Variants in MLLT10 observed in about 807,000 individuals in gnomAD.
MLLT10 encodes protein AF-10.
In MLLT10, 30 loss-of-function variants were observed where a neutral mutation model predicts 129.1. That is an observed-to-expected ratio of 0.23 (90% CI 0.17 to 0.32). The LOEUF (loss-of-function observed/expected upper bound fraction) is 0.32. MLLT10 is among the 10% of genes least tolerant of loss of function. MLLT10 has a pLI of 1.00. For missense variants in MLLT10, 1,119 were observed against 1,268.3 expected, an observed-to-expected ratio of 0.88 and a Z score of 1.79; for synonymous variants, 490 against 446.4, an observed-to-expected ratio of 1.10 and a Z score of -1.23.
chr10:21,569,309 C>T (rs1474536864), intron 3 of MLLT10, among the ~76,000 whole-genome samples: 2 of 152,088 alleles, frequency 1.3e-5, no homozygotes, highest in Non-Finnish European at 2.9e-5. Flanking sequence ...GGCTGGAGTG[C>T]AGTGGCATGC....
At chr10:21,611,315 A>G (rs895582049) in intron 5 of MLLT10, among the ~76,000 whole-genome samples, 13 of 151,708 alleles carry the variant, frequency 8.6e-5, no homozygotes, top group Non-Finnish European at 1.8e-4. Flanking sequence ...AGAGAATCCT[A>G]GGTTTTCAAT....
intron 3 of MLLT10, among the ~76,000 whole-genome samples, chr10:21,549,121 C>A (rs994274944): frequency 7.7e-6 from 1 of 130,386 alleles, no homozygotes; most frequent in East Asian, 2.1e-4. Context: ...GGAGCTTATT[C>A]CTTTTTTTTT....
chr10:21,717,677 TTCCTCCTCC>T lies in MLLT10; in HGVS notation c.1878+3742_1878+3750del, dbSNP rs1218411767. ...CTTCCTCCTCCTCTTCCTCCTCCTC[TTCCTCCTCC>T]TCCTCCTCCTCCTCTTCCTCCTCCT... On this transcript the variant is annotated intron_variant, in intron 14 of 22. Transcript: ENST00000307729. 6.5e-3 allele frequency among the ~76,000 whole-genome samples: 126 copies of T among 19,528 alleles called. 2 individuals carry two copies. The highest frequency in any genetic ancestry group is 9.3e-3 in the African/African-American group (42 of 4,502). The allele number at this position is 19,528 out of a possible 152,430, so 12.8% of individuals were successfully genotyped here. A position where few individuals can be genotyped will look rare whatever the true frequency, so the allele number is the denominator to read the frequency against.
At chr10:21,546,951 G>A (rs1255088998) in intron 3 of MLLT10, among the ~76,000 whole-genome samples, 4 of 152,062 alleles carry the variant, frequency 2.6e-5, no homozygotes, top group East Asian at 3.9e-4. Flanking sequence ...TCGAACTCCC[G>A]ACCTCAGGTG....
intron 3 of MLLT10, among the ~76,000 whole-genome samples, chr10:21,550,672 C>T (rs868358901): frequency 2.2e-4 from 33 of 152,170 alleles, no homozygotes; most frequent in Middle Eastern, 3.4e-3. Context: ...GCTGGGACTA[C>T]GGATGGGTGC....
chr10:21,561,550 C>G (rs2038806534), intron 3 of MLLT10, among the ~76,000 whole-genome samples: 1 of 151,832 alleles, frequency 6.6e-6, no homozygotes, highest in South Asian at 2.1e-4. Context: ...TGAGCCACTG[C>G]ACCCGGCCCA....
intron 22 of MLLT10, among the ~76,000 whole-genome samples, chr10:21,741,378 A>C (rs1833587790): frequency 6.6e-6 from 1 of 152,216 alleles, no homozygotes; most frequent in Non-Finnish European, 1.5e-5. Context: ...GGAAAATCAC[A>C]GTAATTTAAT....
At chr10:21,534,185 G>T, upstream of MLLT10, 1 of 390,592 alleles carries the variant, frequency 2.6e-6, no homozygotes. Context: ...CGCACGCAGG[G>T]CTAGCCTCGC....
intron 13 of MLLT10, among the ~76,000 whole-genome samples, chr10:21,687,062 A>G (rs1021507255): frequency 1.3e-5 from 2 of 152,158 alleles, no homozygotes; most frequent in Non-Finnish European, 2.9e-5. Flanking sequence ...TTGAGTTCCA[A>G]GTCCCACTTA....
intron 7 of MLLT10, among the ~76,000 whole-genome samples, chr10:21,615,889 G>A (rs1404057201): frequency 6.6e-6 from 1 of 152,110 alleles, no homozygotes; most frequent in Non-Finnish European, 1.5e-5. Flanking sequence ...CTGAAGTCCC[G>A]AGTATCTACT....
At chr10:21,555,463 T>A (rs1268446124) in intron 3 of MLLT10, among the ~76,000 whole-genome samples, 1 of 152,006 alleles carries the variant, frequency 6.6e-6, no homozygotes, top group African/African-American at 2.4e-5. Flanking sequence ...CCTCAGGTGA[T>A]CCACCCTCCT....
intron 5 of MLLT10, among the ~76,000 whole-genome samples, chr10:21,611,660 A>G (rs999856497): frequency 1.6e-4 from 24 of 152,138 alleles, no homozygotes; most frequent in Non-Finnish European, 3.1e-4. Flanking sequence ...TGAGCTGTGA[A>G]AAGTTAATAT....
At chr10:21,581,303 C>G (rs1297264009) in intron 3 of MLLT10, among the ~76,000 whole-genome samples, 1 of 152,106 alleles carries the variant, frequency 6.6e-6, no homozygotes, top group East Asian at 1.9e-4. Context: ...GCCTCGGCCT[C>G]CCAAAGTGCT....
intron 21 of MLLT10, among the ~76,000 whole-genome samples, chr10:21,735,576 G>A (rs2058297622): frequency 6.6e-6 from 1 of 152,184 alleles, no homozygotes; most frequent in African/African-American, 2.4e-5. Context: ...ACAAAGAAGT[G>A]GAATAAGTGG....
chr10:21,740,698 C>T (rs1170703489), intron 22 of MLLT10, among the ~76,000 whole-genome samples: 2 of 152,348 alleles, frequency 1.3e-5, no homozygotes, highest in Non-Finnish European at 2.9e-5. Context: ...ATCACAGTCA[C>T]ATCTGTAATG....
chr10:21,538,755 A>G, intron 2 of MLLT10, 78 bp from the exon 3 acceptor site: 3 of 1,024,560 alleles, frequency 2.9e-6, no homozygotes, highest in Non-Finnish European at 3.0e-6. Context: ...AGGTGGATTA[A>G]TAGGGCTTTG....
intron 21 of MLLT10, chr10:21,738,549 A>AACTT (rs2058570189): frequency 7.8e-7 from 1 of 1,276,694 alleles, no homozygotes; most frequent in South Asian, 1.3e-5. Flanking sequence ...ACAGGGATCA[A>AACTT]ACTTAACGTA....
At chr10:21,722,398 T>G (rs1232799897) in intron 14 of MLLT10, among the ~76,000 whole-genome samples, 2 of 152,242 alleles carry the variant, frequency 1.3e-5, no homozygotes, top group Non-Finnish European at 2.9e-5. Flanking sequence ...ATTAGTAATT[T>G]GCTTTCAATG....
chr10:21,741,158 G>A (rs760088365), intron 22 of MLLT10, among the ~76,000 whole-genome samples: 41 of 152,192 alleles, frequency 2.7e-4, no homozygotes, highest in Non-Finnish European at 4.7e-4. Context: ...AGTGCTTTCT[G>A]TCTGCCCTCT....
Sources: allele counts gnomAD v4.1 joint callset (sites outside exome capture counted in the v4.1 genomes callset), GRCh38; gene constraint gnomAD v4.1.1; transcripts MANE v1.5; gene names NCBI Gene and HGNC (gene_info 2026-07-23, HGNC 2026-07-21).